The following RAPGEF2 variants were observed in gnomAD, a reference collection of about 807,000 sequenced individuals.
RAPGEF2 encodes the protein PDZ domain containing guanine nucleotide exchange factor (GEF) 1.
A neutral mutation model predicts 186.7 loss-of-function variants in RAPGEF2; 54 were observed. The ratio of observed to expected loss-of-function variants is 0.29; its 90% CI spans 0.23 to 0.36. RAPGEF2 has a LOEUF of 0.36. RAPGEF2 is among the 10% of genes least tolerant of loss of function. RAPGEF2 has a pLI of 1.00. For missense variants in RAPGEF2, 1,532 were observed against 2,045.0 expected, an observed-to-expected ratio of 0.75 and a Z score of 4.84; for synonymous variants, 712 against 705.9, an observed-to-expected ratio of 1.01 and a Z score of -0.14.
rs920766879 is a variant in RAPGEF2 at position 159,360,163 on chromosome 4, T to C, written c.*2024T>C. 6.6e-6 allele frequency: 1 copy of C among 152,250 alleles called. No homozygotes were observed. Among genetic ancestry groups the C allele is most frequent in the African/African-American group, 2.4e-5 (1 of 41,464 alleles). 9.4% of individuals were successfully genotyped at this position (152,250 alleles called of 1,614,324 possible). The stretch of plus-strand genomic sequence containing the variant: ...AATATAACATAAAGCCTTGCCTATA[T>C]TCTTAATGAATCATGCATGCTTTTT... On this transcript the variant is annotated 3_prime_UTR_variant, in exon 30 of 30. Coordinates refer to ENST00000691494, the MANE Select transcript of RAPGEF2 (RefSeq NM_001394067.2).
intron 1 of RAPGEF2, among the ~76,000 whole-genome samples, chr4:159,174,171 T>G (rs548124945): frequency 6.6e-6 from 1 of 152,358 alleles, no homozygotes; most frequent in Non-Finnish European, 1.5e-5. Flanking sequence ...GAAACTTGCT[T>G]ACGGGATCAT....
intron 4 of RAPGEF2, among the ~76,000 whole-genome samples, chr4:159,229,156 A>T (rs1175238544): frequency 6.6e-6 from 1 of 152,186 alleles, no homozygotes; most frequent in Non-Finnish European, 1.5e-5. Context: ...GTATTGGAGT[A>T]TTATGTTTTT....
intron 9 of RAPGEF2, among the ~76,000 whole-genome samples, chr4:159,316,247 G>A (rs1170106147): frequency 2.0e-5 from 3 of 152,084 alleles, no homozygotes; most frequent in Non-Finnish European, 2.9e-5. Context: ...ATTATAGAAC[G>A]AGGATTATTA....
At position 159,220,246 on chromosome 4, in the gene RAPGEF2, A is replaced by G. The variant is rs569128416; in HGVS notation, c.281+9663A>G. ...AAGTCAAGAGGGGTTTGTTTCTTCA[A>G]AGTTAGGAGACACTAGCACGTGTTT... On this transcript the variant is annotated intron_variant, in intron 4 of 29. Transcript: ENST00000691494. Among the ~76,000 whole-genome samples, 9 of 152,240 alleles carry G rather than the reference A, an allele frequency of 5.9e-5. 1 individual carries two copies. The South Asian group carries it at 1.9e-3, about 32-fold the overall frequency.
chr4:159,167,272 ATTTAGTGTGAAG>A (rs1475556149), intron 1 of RAPGEF2, among the ~76,000 whole-genome samples: 1 of 152,212 alleles, frequency 6.6e-6, no homozygotes, highest in Non-Finnish European at 1.5e-5. Flanking sequence ...TTTGGGGGAA[ATTTAGTGTGAAG>A]TTTAGTTACC....
chr4:159,349,710 T>C (rs773249010), intron 25 of RAPGEF2, among the ~76,000 whole-genome samples: 5 of 152,192 alleles, frequency 3.3e-5, no homozygotes, highest in Non-Finnish European at 7.3e-5. Flanking sequence ...AGCTACCCCT[T>C]TCCAAGGATA....
intron 4 of RAPGEF2, among the ~76,000 whole-genome samples, chr4:159,219,509 C>T (rs1751323815): frequency 6.6e-6 from 1 of 151,872 alleles, no homozygotes; most frequent in African/African-American, 2.4e-5. Flanking sequence ...GCACCCGCCA[C>T]CACGTCCGGA....
At chr4:159,322,210 T>C in intron 9 of RAPGEF2, 137 bp from the exon 10 acceptor site, 4 of 664,242 alleles carry the variant, frequency 6.0e-6, no homozygotes, top group Non-Finnish European at 5.0e-6. Flanking sequence ...CAGCTGGTGC[T>C]AAAGATACTT....
intron 26 of RAPGEF2, among the ~76,000 whole-genome samples, chr4:159,350,536 T>G (rs972976758): frequency 6.6e-6 from 1 of 152,180 alleles, no homozygotes; most frequent in Non-Finnish European, 1.5e-5. Context: ...AAAATACATT[T>G]ACTTTTAATT....
intron 4 of RAPGEF2, among the ~76,000 whole-genome samples, chr4:159,225,438 C>T (rs995584163): frequency 3.3e-5 from 5 of 152,098 alleles, no homozygotes; most frequent in Non-Finnish European, 5.9e-5. Flanking sequence ...TTGGCTTCTA[C>T]GAATATTCAC....
intron 1 of RAPGEF2, among the ~76,000 whole-genome samples, chr4:159,177,504 T>TC (rs1746558783): frequency 6.6e-6 from 1 of 152,144 alleles, no homozygotes; most frequent in South Asian, 2.1e-4. Flanking sequence ...AAACCCAGGG[T>TC]CACACAGCTA....
At chr4:159,319,318 T>C (rs1764965407) in intron 9 of RAPGEF2, among the ~76,000 whole-genome samples, 1 of 152,154 alleles carries the variant, frequency 6.6e-6, no homozygotes, top group Admixed American at 6.5e-5. Flanking sequence ...GTGCAAACCC[T>C]ACTGTGAACT....
intron 7 of RAPGEF2, among the ~76,000 whole-genome samples, chr4:159,299,885 A>T (rs887219945): frequency 6.6e-5 from 10 of 151,962 alleles, no homozygotes; most frequent in African/African-American, 2.2e-4. Flanking sequence ...TACATAATAA[A>T]AAAAAAAGCT....
At chr4:159,158,267 A>T (rs1048332069) in intron 1 of RAPGEF2, among the ~76,000 whole-genome samples, 10 of 152,198 alleles carry the variant, frequency 6.6e-5, no homozygotes, top group African/African-American at 2.4e-4. Context: ...GTGATCCTTT[A>T]TCTTTCATTG....
At chr4:159,180,949 CTTATT>C (rs755890447) in intron 1 of RAPGEF2, among the ~76,000 whole-genome samples, 3 of 152,110 alleles carry the variant, frequency 2.0e-5, no homozygotes, top group South Asian at 2.1e-4. Context: ...AATCAACAAT[CTTATT>C]TAATTTGTAT....
intron 1 of RAPGEF2, among the ~76,000 whole-genome samples, chr4:159,141,963 A>G (rs1161626317): frequency 6.6e-6 from 1 of 152,238 alleles, no homozygotes; most frequent in Non-Finnish European, 1.5e-5. Flanking sequence ...ATCTCAGTGT[A>G]TCACTGTTGT....
chr4:159,213,118 A>G (rs1750681470), intron 4 of RAPGEF2, among the ~76,000 whole-genome samples: 1 of 152,196 alleles, frequency 6.6e-6, no homozygotes, highest in African/African-American at 2.4e-5. Flanking sequence ...AGTACTATAT[A>G]TAGGTTATTC....
chr4:159,280,874 G>T (rs913073858), intron 7 of RAPGEF2, among the ~76,000 whole-genome samples: 1 of 151,982 alleles, frequency 6.6e-6, no homozygotes, highest in Non-Finnish European at 1.5e-5. Flanking sequence ...TTCCAACTAG[G>T]TTTTTTGTGT....
At chr4:159,126,146 AAAC>A (rs1437980871) in intron 1 of RAPGEF2, among the ~76,000 whole-genome samples, 1 of 152,198 alleles carries the variant, frequency 6.6e-6, no homozygotes, top group Non-Finnish European at 1.5e-5. Flanking sequence ...TTTTTTATGA[AAAC>A]AATATTTTTT....
Sources: gnomAD v4.1 joint callset for allele counts (sites outside exome capture counted in the v4.1 genomes callset) on GRCh38, gnomAD v4.1.1 for gene constraint, MANE v1.5 for transcripts, NCBI Gene and HGNC (gene_info 2026-07-23, HGNC 2026-07-21) for gene names.